The following ZFR2 variants were observed in gnomAD, a reference collection of about 807,000 sequenced individuals.
ZFR2 encodes the protein zinc finger RNA binding protein 2.
In ZFR2, 104 loss-of-function variants were observed where a neutral mutation model predicts 105.7. The observed-to-expected ratio is 0.98, with a 90% confidence interval of 0.84 to 1.16. The LOEUF is 1.16. ZFR2 is among the 50% of genes most tolerant of loss of function. The probability of loss-of-function intolerance (pLI) is 0.00; values close to 1 mark genes in which losing one functional copy is unlikely to be tolerated. For missense variants in ZFR2, 1,425 were observed against 1,355.5 expected, an observed-to-expected ratio of 1.05 and a Z score of -0.80; for synonymous variants, 634 against 597.7, an observed-to-expected ratio of 1.06 and a Z score of -0.89.
chr19:3,805,206 C>T lies in ZFR2; in HGVS notation c.*743G>A, dbSNP rs978052485. Reference sequence around the variant, plus strand: ...TATTTTAAAACCCCTTCCTGTACCACGAGGTGAGTTTAGAGCCAGCAAGAT... The same window carrying T: ...TATTTTAAAACCCCTTCCTGTACCATGAGGTGAGTTTAGAGCCAGCAAGAT... On this transcript the variant is annotated 3_prime_UTR_variant, in exon 19 of 19. Transcript: ENST00000262961. 6.6e-6 allele frequency: 1 copy of T among 152,034 alleles called. No homozygotes were observed. Among genetic ancestry groups the T allele is most frequent in the African/African-American group, 2.4e-5 (1 of 41,366 alleles). 9.4% of individuals were successfully genotyped at this position (152,034 alleles called of 1,614,324 possible).
At chr19:3,821,098 G>A (rs919740302) in intron 10 of ZFR2, among the ~76,000 whole-genome samples, 5 of 152,070 alleles carry the variant, frequency 3.3e-5, no homozygotes, top group East Asian at 1.9e-4. Context: ...GTGTCCCTGC[G>A]TCTACGGAGG....
rs753684446 is a variant in ZFR2, at chr19:3,811,359, C to T, written c.2250G>A (p.Glu750=). 3 of 1,592,994 alleles carry T rather than the reference C, an allele frequency of 1.9e-6. No individual in the cohort carries two copies. Among genetic ancestry groups the T allele is most frequent in the East Asian group, 4.6e-5 (2 of 43,778 alleles). Reference sequence around the variant, plus strand: ...CATCACCTGCATCAGCCTGAGGCTCCTCCACACCTTCTAGAAGAAAAACCT... The same window carrying T: ...CATCACCTGCATCAGCCTGAGGCTCTTCCACACCTTCTAGAAGAAAAACCT... The part of the protein sequence containing the change: ...REDPSTDPGV[E]EPQADAGDVL... Residue 750 remains glutamate, a synonymous_variant, in exon 15 of 19, where the codon GAG becomes GAA. Transcript: ENST00000262961.
chr19:3,837,507 G>A lies in ZFR2; in HGVS notation c.54-2524C>T, dbSNP rs566761330. Among the ~76,000 whole-genome samples, 28 of 145,304 alleles carry A rather than the reference G, an allele frequency of 1.9e-4. 1 individual carries two copies. The Middle Eastern group carries it at 0.02, about 106-fold the overall frequency. On this transcript the variant is annotated intron_variant, in intron 1 of 18. Transcript: ENST00000262961. Reference sequence around the variant, plus strand: ...ATGACCATGACACTCAATGAACACCGTGACCGTGACACTCGATGAACACCA... The same window carrying A: ...ATGACCATGACACTCAATGAACACCATGACCGTGACACTCGATGAACACCA...
In ZFR2 at chr19:3,823,008, G is replaced by A. The variant is rs917308574; in HGVS notation, c.1371+238C>T. On this transcript the variant is annotated intron_variant, in intron 8 of 18. Transcript: ENST00000262961. The surrounding 1 kb of genome is among the most constrained non-coding windows in gnomAD (Gnocchi z 5.4). ...CAGGGTCCCCTGTTGGGAATGCCTC[G>A]GCCTGTCTCTGGCCCTCACGGGGCC... 5.9e-5 allele frequency among the ~76,000 whole-genome samples: 9 copies of A among 152,212 alleles called. No homozygotes were observed. Among genetic ancestry groups the A allele is most frequent in the African/African-American group, 1.9e-4 (8 of 41,456 alleles).
At chr19:3,841,931 C>T (rs1386974254) in intron 1 of ZFR2, among the ~76,000 whole-genome samples, 3 of 151,976 alleles carry the variant, frequency 2.0e-5, no homozygotes, top group Non-Finnish European at 2.9e-5. Context: ...GGATTACAAG[C>T]GTGAGCCACT....
chr19:3,811,460 CTT>C lies in ZFR2; in HGVS notation c.2243-96_2243-95del, dbSNP rs969937996. 1.2e-3 allele frequency: 1,093 copies of C among 877,782 alleles called. 5 individuals carry two copies. Among genetic ancestry groups the C allele is most frequent in the East Asian group, 2.4e-3 (67 of 27,378 alleles). The allele number at this position is 877,782 out of a possible 1,614,324, so 54.4% of individuals were successfully genotyped here. On this transcript the variant is annotated intron_variant, in intron 14 of 18. Coordinates refer to ENST00000262961, the MANE Select transcript of ZFR2 (RefSeq NM_015174.2). Reference sequence around the variant, plus strand: ...GGGGCTCAGTTTGGGCCCCTCGACGCTTTTTTTTTTTTGAGACACAGTTTCAC... The same window carrying C: ...GGGGCTCAGTTTGGGCCCCTCGACGCTTTTTTTTTTGAGACACAGTTTCAC...
chr19:3,817,570 A>G (rs62132974), intron 12 of ZFR2, among the ~76,000 whole-genome samples: 25,354 of 108,470 alleles, frequency 0.23, 2,548 homozygotes, highest in East Asian at 0.37. Context: ...AAATAATGAT[A>G]ATAATAATAA....
intron 8 of ZFR2, among the ~76,000 whole-genome samples, chr19:3,822,662 G>A (rs1356666059): frequency 6.6e-6 from 1 of 152,144 alleles, no homozygotes; most frequent in Non-Finnish European, 1.5e-5. Context: ...GTTGCAGTGA[G>A]CCATGATGGC....
chr19:3,845,253 T>C (rs1183166030), intron 1 of ZFR2, among the ~76,000 whole-genome samples: 1 of 152,186 alleles, frequency 6.6e-6, no homozygotes, highest in Middle Eastern at 3.2e-3. Context: ...TCAAAGACCC[T>C]GGCTCTCCAA....
At chr19:3,828,485 C>T (rs114909555) in intron 5 of ZFR2, among the ~76,000 whole-genome samples, 3,324 of 152,264 alleles carry the variant, frequency 0.022, 115 homozygotes, top group African/African-American at 0.075. Flanking sequence ...CAGAATTCAA[C>T]GTCAGAAACC....
At chr19:3,819,846 C>A (rs2037869384) in intron 11 of ZFR2, among the ~76,000 whole-genome samples, 1 of 60,728 alleles carries the variant, frequency 1.6e-5, no homozygotes, top group African/African-American at 6.4e-5. Flanking sequence ...GAGTGAGACT[C>A]TGTCTCAAAA....
chr19:3,834,597 G>A lies in ZFR2; in HGVS notation c.264+176C>T, dbSNP rs529459391. Among the ~76,000 whole-genome samples, 4 of 152,140 alleles carry A rather than the reference G, an allele frequency of 2.6e-5. No individual in the cohort carries two copies. Among genetic ancestry groups the A allele is most frequent in the Non-Finnish European group, 5.9e-5 (4 of 68,008 alleles). On this transcript the variant is annotated intron_variant, in intron 2 of 18. Coordinates refer to ENST00000262961, the MANE Select transcript of ZFR2 (RefSeq NM_015174.2). This position sits in a 1 kb window ranked among gnomAD's most constrained non-coding sequence, Gnocchi z 5.3. ...GAGAGCAGTGGATTCTTTCGGAAGC[G>A]ACTCTGCCCTGATTTCTCCCCACCA... is the stretch of plus-strand genomic sequence containing the variant.
At chr19:3,825,687 TTCC>T (rs2037941739) in intron 6 of ZFR2, among the ~76,000 whole-genome samples, 2 of 152,134 alleles carry the variant, frequency 1.3e-5, no homozygotes, top group South Asian at 4.1e-4. Context: ...ACGGACGCTC[TTCC>T]TCCTCCTCCA....
intron 11 of ZFR2, 141 bp downstream of exon 11, chr19:3,820,037 GGAGT>G (rs1436207798): frequency 1.5e-5 from 11 of 755,800 alleles, no homozygotes; most frequent in Non-Finnish European, 2.4e-5. Flanking sequence ...TCCCATCTGT[GGAGT>G]GAGGAGGCCT....
At position 3,810,779 on chromosome 19, in the gene ZFR2, C is replaced by T; in HGVS notation, c.2404G>A (p.Val802Met). The change falls in exon 16 of 19, where the codon GTG (valine) becomes ATG (methionine). Residue 802 changes from valine to methionine, a missense_variant. Coordinates refer to ENST00000262961, the MANE Select transcript of ZFR2 (RefSeq NM_015174.2). ...GCTGGCAGGGCCCCCCAGGTGGGCA[C>T]ACGCCGGCAGAGGTCCCTCAGGACC... ...IRVLRDLCRRVPTWGALPAWA... is the reference protein window; with the variant it reads ...IRVLRDLCRRMPTWGALPAWA... 1 of 1,550,050 alleles carries T rather than the reference C, an allele frequency of 6.5e-7. No individual in the cohort carries two copies. The highest frequency in any genetic ancestry group is 1.2e-5 in the South Asian group (1 of 83,990).
chr19:3,833,902 C>T (rs1021224611), intron 2 of ZFR2, 124 bp from the exon 3 acceptor site: 7 of 754,960 alleles, frequency 9.3e-6, no homozygotes, highest in Middle Eastern at 3.9e-4. Context: ...GGCTCCTAAG[C>T]GTCTGCCCAG....
At chr19:3,853,292 C>T (rs2038261490) in intron 1 of ZFR2, among the ~76,000 whole-genome samples, 1 of 152,170 alleles carries the variant, frequency 6.6e-6, no homozygotes, top group African/African-American at 2.4e-5. Flanking sequence ...CACGCTGACT[C>T]CCCCTTGCCT....
chr19:3,856,358 C>A (rs1019521222), intron 1 of ZFR2, among the ~76,000 whole-genome samples: 1 of 152,118 alleles, frequency 6.6e-6, no homozygotes, highest in African/African-American at 2.4e-5. Flanking sequence ...GAGAGGCCTG[C>A]GCTGGAGTCA....
chr19:3,822,195 G>T lies in ZFR2; in HGVS notation c.1377C>A (p.Phe459Leu). Residue 459 changes from phenylalanine to leucine, a missense_variant, in exon 9 of 19, where the codon TTC (phenylalanine) becomes TTA (leucine). Physicochemically the swap from Phe to Leu is conservative, Grantham distance 22. Transcript: ENST00000262961. ...AGCGAAGCACTCGCCCTTCGTCGCT[G>T]AACACCTGAGACACAGAACAGCCGC... ...PVGPEYVEEV[F>L]SDEGRVLRFH... The T allele has an allele frequency of 6.3e-7, 1 of 1,589,208 alleles. No individual in the cohort carries two copies. The highest frequency in any genetic ancestry group is 8.6e-7 in the Non-Finnish European group (1 of 1,168,644).
Sources: gnomAD v4.1 joint callset for allele counts (sites outside exome capture counted in the v4.1 genomes callset) on GRCh38, gnomAD v4.1.1 for gene constraint, Gnocchi (gnomAD v3.1) non-coding constraint, MANE v1.5 for transcripts, NCBI Gene and HGNC (gene_info 2026-07-23, HGNC 2026-07-21) for gene names.